The following DGKG variants were observed in gnomAD, a reference collection of about 807,000 sequenced individuals.
DGKG encodes DAG kinase gamma.
A neutral mutation model predicts 105.3 loss-of-function variants in DGKG; 78 were observed. The ratio of observed to expected loss-of-function variants is 0.74; its 90% confidence interval spans 0.62 to 0.89. The LOEUF (loss-of-function observed/expected upper bound fraction) is 0.89. Among genes scored for constraint, DGKG ranks in the 40% least tolerant of loss-of-function variants. The pLI is 0.00. For synonymous variants in DGKG, 346 were observed against 367.1 expected, an observed-to-expected ratio of 0.94 and a Z score of 0.66; for missense variants, 958 against 1,020.1, an observed-to-expected ratio of 0.94 and a Z score of 0.83.
intron 21 of DGKG, among the ~76,000 whole-genome samples, chr3:186,205,289 AC>A (rs1718675177): frequency 6.7e-6 from 1 of 150,324 alleles, no homozygotes; most frequent in Non-Finnish European, 1.5e-5. Context: ...AAAGTGACCA[AC>A]CTGCTCTATC....
At chr3:186,185,411 C>T (rs1717577219) in intron 22 of DGKG, among the ~76,000 whole-genome samples, 1 of 152,178 alleles carries the variant, frequency 6.6e-6, no homozygotes, top group East Asian at 1.9e-4. Flanking sequence ...CAAAAGCAAT[C>T]AGCAGACACT....
At chr3:186,250,364 G>A (rs1158665020) in intron 19 of DGKG, among the ~76,000 whole-genome samples, 2 of 152,016 alleles carry the variant, frequency 1.3e-5, no homozygotes, top group Non-Finnish European at 2.9e-5. Context: ...GGAAGAAACA[G>A]CTAATGGATG....
At chr3:186,191,855 CA>C (rs1717923410) in intron 21 of DGKG, among the ~76,000 whole-genome samples, 1 of 151,878 alleles carries the variant, frequency 6.6e-6, no homozygotes, top group Non-Finnish European at 1.5e-5. Flanking sequence ...GATTGAAAAA[CA>C]AAAACTGACT....
At chr3:186,249,369 A>G (rs1721099201) in intron 19 of DGKG, among the ~76,000 whole-genome samples, 1 of 152,220 alleles carries the variant, frequency 6.6e-6, no homozygotes, top group African/African-American at 2.4e-5. Context: ...GGAGTCAGAG[A>G]ATAAAGGCAA....
intron 1 of DGKG, among the ~76,000 whole-genome samples, chr3:186,333,779 A>AT (rs1250635114): frequency 2.0e-5 from 3 of 152,210 alleles, no homozygotes; most frequent in Non-Finnish European, 4.4e-5. Context: ...GGGCATGAGT[A>AT]TGGGGCTTGG....
intron 24 of DGKG, among the ~76,000 whole-genome samples, chr3:186,154,792 T>C (rs1017589564): frequency 2.0e-5 from 3 of 152,118 alleles, no homozygotes; most frequent in African/African-American, 7.2e-5. Flanking sequence ...GTGTGGCTCA[T>C]AGGCCAGCAG....
chr3:186,326,397 T>TCAAAAAAAAAAAAAAAAAAAAAAA lies in DGKG; in HGVS notation c.-248-5691_-248-5690insTTTTTTTTTTTTTTTTTTTTTTTG, dbSNP rs1560156258. Among the ~76,000 whole-genome samples the TCAAAAAAAAAAAAAAAAAAAAAAA allele has an allele frequency of 1.1e-4, 16 of 149,722 alleles. 2 individuals are homozygous for TCAAAAAAAAAAAAAAAAAAAAAAA. The highest frequency in any genetic ancestry group is 3.8e-4 in the African/African-American group (15 of 39,714). ...CTGGGTGACAGAGTGAGACACTGTC[T>TCAAAAAAAAAAAAAAAAAAAAAAA]TAAAAAAAAAATAGATGTATGTACA... On this transcript the variant is annotated intron_variant, in intron 1 of 24. Coordinates refer to ENST00000265022, the MANE Select transcript of DGKG (RefSeq NM_001346.3).
chr3:186,255,770 C>T (rs1162274473), intron 17 of DGKG, among the ~76,000 whole-genome samples: 1 of 152,158 alleles, frequency 6.6e-6, no homozygotes. Context: ...CAGGAAAGAT[C>T]GCTATGGGTG....
At chr3:186,225,377 C>G (rs1355924664) in intron 20 of DGKG, among the ~76,000 whole-genome samples, 1 of 150,916 alleles carries the variant, frequency 6.6e-6, no homozygotes, top group Non-Finnish European at 1.5e-5. Context: ...ATTTATAGCA[C>G]CAATAATTTG....
intron 4 of DGKG, among the ~76,000 whole-genome samples, chr3:186,297,687 G>A (rs1310379738): frequency 6.6e-6 from 1 of 152,132 alleles, no homozygotes; most frequent in Non-Finnish European, 1.5e-5. Context: ...CAGGGATCAT[G>A]GCTTCCCTCT....
intron 22 of DGKG, among the ~76,000 whole-genome samples, chr3:186,170,512 A>C (rs1181543389): frequency 6.6e-6 from 1 of 152,252 alleles, no homozygotes; most frequent in Non-Finnish European, 1.5e-5. Context: ...CTTGGGCCTT[A>C]GGCAAGAAAA....
intron 24 of DGKG, chr3:186,160,476 T>C: frequency 1.0e-6 from 1 of 985,386 alleles, no homozygotes; most frequent in Middle Eastern, 5.2e-4. Flanking sequence ...ATATAGTGTG[T>C]TTTCATTTTT....
chr3:186,315,207 C>T lies in DGKG; in HGVS notation c.67+5186G>A, dbSNP rs16860710. Among the ~76,000 whole-genome samples the T allele has an allele frequency of 3.8e-3, 580 of 152,308 alleles. 5 individuals carry two copies. Among genetic ancestry groups the T allele is most frequent in the African/African-American group, 0.012 (500 of 41,562 alleles). On this transcript the variant is annotated intron_variant, in intron 2 of 24. Coordinates refer to ENST00000265022, the MANE Select transcript of DGKG (RefSeq NM_001346.3). ...AAACCCAGTCACTTTTAAGTCAATT[C>T]GATTCCATCTTGGGCAGATTTGACC...
intron 1 of DGKG, among the ~76,000 whole-genome samples, chr3:186,337,888 G>T (rs1015495133): frequency 3.9e-5 from 6 of 152,014 alleles, no homozygotes; most frequent in Admixed American, 3.9e-4. Flanking sequence ...AAGTAGAATG[G>T]GCTGGGCACA....
chr3:186,248,081 T>C (rs1415388581), intron 19 of DGKG, among the ~76,000 whole-genome samples: 1 of 152,236 alleles, frequency 6.6e-6, no homozygotes, highest in Non-Finnish European at 1.5e-5. Context: ...TGAATAGTCT[T>C]GGCTCTTGGG....
At chr3:186,185,543 C>T (rs1335319725) in intron 22 of DGKG, among the ~76,000 whole-genome samples, 2 of 152,062 alleles carry the variant, frequency 1.3e-5, no homozygotes, top group Non-Finnish European at 2.9e-5. Context: ...GGTGGAGAGT[C>T]GAAGTGGGGA....
At chr3:186,171,311 C>A (rs1218162912) in intron 22 of DGKG, among the ~76,000 whole-genome samples, 1 of 152,086 alleles carries the variant, frequency 6.6e-6, no homozygotes, top group East Asian at 1.9e-4. Flanking sequence ...TGCTTTAGAG[C>A]CAAAGACTTT....
chr3:186,349,255 G>A (rs1232696403), intron 1 of DGKG, among the ~76,000 whole-genome samples: 2 of 152,038 alleles, frequency 1.3e-5, no homozygotes, highest in African/African-American at 4.8e-5. Context: ...GTATTTATAT[G>A]TTTAATGTAT....
intron 22 of DGKG, among the ~76,000 whole-genome samples, chr3:186,177,362 T>C (rs1717132505): frequency 6.6e-6 from 1 of 152,224 alleles, no homozygotes; most frequent in African/African-American, 2.4e-5. Context: ...TCAAATCTTT[T>C]TGAGCTCCCA....
Sources: allele counts gnomAD v4.1 joint callset (sites outside exome capture counted in the v4.1 genomes callset), GRCh38; gene constraint gnomAD v4.1.1; transcripts MANE v1.5; gene names NCBI Gene and HGNC (gene_info 2026-07-23, HGNC 2026-07-21).